The following TAFA1 variants were observed in gnomAD, a reference collection of about 807,000 sequenced individuals.
The protein encoded by TAFA1 is TAFA chemokine like family member 1, also known as chemokine-like protein TAFA-1.
Under a neutral mutation model 18.5 loss-of-function variants are expected in TAFA1, and 4 were observed. The observed-to-expected ratio is 0.22, with a 90% confidence interval of 0.11 to 0.49. The LOEUF is 0.49. Ranked by LOEUF, TAFA1 falls within the 20% of genes least tolerant of loss-of-function variation. The pLI, the probability that TAFA1 is intolerant of heterozygous loss-of-function variation, is 0.98. For missense variants in TAFA1, 147 were observed against 169.0 expected (o/e 0.87, Z 0.72); for synonymous variants, 56 against 55.2 (o/e 1.01, Z -0.06).
intron 3 of TAFA1, among the ~76,000 whole-genome samples, chr3:68,450,312 C>A (rs2071550461): frequency 6.6e-6 from 1 of 152,190 alleles, no homozygotes; most frequent in Non-Finnish European, 1.5e-5. Flanking sequence ...AGAATGGAAT[C>A]TGTTGTGAAC....
At chr3:68,003,694 T>C (rs1704312093), upstream of TAFA1, among the ~76,000 whole-genome samples, 1 of 152,176 alleles carries the variant, frequency 6.6e-6, no homozygotes, top group Admixed American at 6.5e-5. Context: ...CAGCATGTTA[T>C]TTGAAGGAGA....
At chr3:68,438,170 G>A (rs950886121) in intron 3 of TAFA1, among the ~76,000 whole-genome samples, 3 of 152,008 alleles carry the variant, frequency 2.0e-5, no homozygotes, top group Admixed American at 6.6e-5. Context: ...ACCAGCCTGA[G>A]CAACAGACAA....
chr3:68,242,863 A>AT (rs750809548), intron 2 of TAFA1, among the ~76,000 whole-genome samples: 29 of 152,100 alleles, frequency 1.9e-4, no homozygotes, highest in Admixed American at 9.8e-4. Flanking sequence ...AATAAACTAC[A>AT]TTTTTTTATC....
intron 3 of TAFA1, among the ~76,000 whole-genome samples, chr3:68,494,980 G>A (rs2072519597): frequency 1.3e-5 from 2 of 152,150 alleles, no homozygotes; most frequent in African/African-American, 4.8e-5. Context: ...GGTTATCAAT[G>A]AGATTAAGAG....
At chr3:68,175,829 G>A (rs2066117916) in intron 2 of TAFA1, among the ~76,000 whole-genome samples, 1 of 152,126 alleles carries the variant, frequency 6.6e-6, no homozygotes, top group South Asian at 2.1e-4. Flanking sequence ...GGGGCCAGGG[G>A]TGGAATGATA....
intron 2 of TAFA1, among the ~76,000 whole-genome samples, chr3:68,199,651 G>GT (rs1183290208): frequency 6.6e-6 from 1 of 151,496 alleles, no homozygotes; most frequent in African/African-American, 2.4e-5. Flanking sequence ...AATTACACCT[G>GT]TTTGTTGCTG....
At chr3:68,219,584 G>T (rs1303995822) in intron 2 of TAFA1, among the ~76,000 whole-genome samples, 1 of 151,998 alleles carries the variant, frequency 6.6e-6, no homozygotes, top group African/African-American at 2.4e-5. Flanking sequence ...CACTCAAGGG[G>T]CCCCCTTTTC....
intron 2 of TAFA1, among the ~76,000 whole-genome samples, chr3:68,021,539 T>C (rs993601330): frequency 6.6e-6 from 1 of 152,166 alleles, no homozygotes; most frequent in Non-Finnish European, 1.5e-5. Context: ...ATAAACACAA[T>C]GGTAGCTAAA....
chr3:68,331,855 T>G (rs2068877976), intron 2 of TAFA1, among the ~76,000 whole-genome samples: 1 of 136,358 alleles, frequency 7.3e-6, no homozygotes. Flanking sequence ...TCTTTTCTTT[T>G]CTTTTTTTTT....
At chr3:68,541,319 C>A (rs1222092412) in intron 4 of TAFA1, among the ~76,000 whole-genome samples, 4 of 152,164 alleles carry the variant, frequency 2.6e-5, no homozygotes, top group African/African-American at 9.7e-5. Flanking sequence ...CAAGGAGCAC[C>A]AACTAAGTCC....
intron 2 of TAFA1, among the ~76,000 whole-genome samples, chr3:68,280,384 A>G (rs2067877054): frequency 6.6e-6 from 1 of 152,160 alleles, no homozygotes; most frequent in African/African-American, 2.4e-5. Context: ...AGTTAGTGAC[A>G]TTTATTCTGC....
At chr3:68,287,529 C>G (rs1301843581) in intron 2 of TAFA1, among the ~76,000 whole-genome samples, 1 of 152,064 alleles carries the variant, frequency 6.6e-6, no homozygotes, top group Non-Finnish European at 1.5e-5. Context: ...CACTCTCTGT[C>G]CCTTAAAGTC....
At chr3:68,008,797 C>T (rs1464427148) in intron 2 of TAFA1, among the ~76,000 whole-genome samples, 2 of 151,954 alleles carry the variant, frequency 1.3e-5, no homozygotes, top group African/African-American at 4.8e-5. Flanking sequence ...GTGAGTGGCA[C>T]GTGGTTGAGG....
chr3:68,498,722 CTT>C (rs34030223), intron 3 of TAFA1, among the ~76,000 whole-genome samples: 1,010 of 95,758 alleles, frequency 0.011, no homozygotes, highest in Non-Finnish European at 0.013. Flanking sequence ...CGTTTGGTGG[CTT>C]TTTTTTTTTT....
Position 68,451,680 on chromosome 3 carries a change from C to A in TAFA1, c.259+34260C>A, listed in dbSNP as rs184825887. Among the ~76,000 whole-genome samples the A allele has an allele frequency of 2.9e-3, 441 of 152,234 alleles. 5 individuals carry two copies. The highest frequency in any genetic ancestry group is 9.6e-3 in the African/African-American group (399 of 41,540). ...AGTGGGATTTGTATAGGTATAATGACATGAGAAGACACTGGACAGAAAGAC... is the reference window on the plus strand; with the variant it reads ...AGTGGGATTTGTATAGGTATAATGAAATGAGAAGACACTGGACAGAAAGAC... On this transcript the variant is annotated intron_variant, in intron 3 of 4. Transcript: ENST00000478136.
At chr3:68,113,102 T>G (rs1221249835) in intron 2 of TAFA1, among the ~76,000 whole-genome samples, 2 of 152,190 alleles carry the variant, frequency 1.3e-5, no homozygotes, top group Non-Finnish European at 2.9e-5. Flanking sequence ...AAAGCCCTAT[T>G]AATCAAGACA....
At chr3:68,536,007 A>G (rs1372455585) in intron 3 of TAFA1, among the ~76,000 whole-genome samples, 1 of 152,196 alleles carries the variant, frequency 6.6e-6, no homozygotes, top group African/African-American at 2.4e-5. Context: ...CCTTAGATGA[A>G]TGTGTGTCTC....
At chr3:68,137,018 T>C (rs1173955727) in intron 2 of TAFA1, among the ~76,000 whole-genome samples, 1 of 152,198 alleles carries the variant, frequency 6.6e-6, no homozygotes, top group Non-Finnish European at 1.5e-5. Flanking sequence ...TATAAGTTTT[T>C]AAAAGAGAAG....
At chr3:68,161,496 A>G (rs2065924665) in intron 2 of TAFA1, among the ~76,000 whole-genome samples, 1 of 152,228 alleles carries the variant, frequency 6.6e-6, no homozygotes, top group African/African-American at 2.4e-5. Flanking sequence ...GGAACCCAGC[A>G]ATGTAGGAGC....
Sources: gnomAD v4.1 joint callset for allele counts (sites outside exome capture counted in the v4.1 genomes callset) on GRCh38, gnomAD v4.1.1 for gene constraint, MANE v1.5 for transcripts, NCBI Gene and HGNC (gene_info 2026-07-23, HGNC 2026-07-21) for gene names.